Variants in STAT5B observed in about 807,000 individuals in gnomAD.
The protein encoded by STAT5B is signal transducer and activator of transcription 5B.
Under a neutral mutation model 107.8 loss-of-function variants are expected in STAT5B, and 21 were observed. That is an observed-to-expected ratio of 0.19 (90% CI 0.14 to 0.28). The LOEUF (loss-of-function observed/expected upper bound fraction) is 0.28, where lower values mean the gene tolerates loss of function less well. Among genes scored for constraint, STAT5B ranks in the 10% least tolerant of loss-of-function variants. The pLI, the probability that STAT5B is intolerant of heterozygous loss-of-function variation, is 1.00. For synonymous variants in STAT5B, 325 were observed against 401.7 expected (o/e 0.81, Z 2.28); for missense variants, 565 against 1,008.2 (o/e 0.56, Z 5.95).
intron 1 of STAT5B, among the ~76,000 whole-genome samples, chr17:42,248,922 C>T (rs1413429904): frequency 1.3e-5 from 2 of 152,144 alleles, no homozygotes; most frequent in East Asian, 3.8e-4. Context: ...AATGTGAGAC[C>T]CAGAATCTAC....
At chr17:42,285,373 T>C in the STAT5B span, among the ~76,000 whole-genome samples, 1 of 152,334 alleles carries the variant, frequency 6.6e-6, no homozygotes, top group Non-Finnish European at 1.5e-5. Context: ...ATTACAGGCG[T>C]GAGCCACTGC....
Position 42,210,032 on chromosome 17 carries a change from G to T in STAT5B, c.1906+139C>A, listed in dbSNP as rs2144218315. 3.0e-6 allele frequency: 4 copies of T among 1,311,740 alleles called. No individual in the cohort carries two copies. In the East Asian group the frequency reaches 7.4e-5, roughly 24 times the overall value. 81.3% of individuals were successfully genotyped at this position (1,311,740 alleles called of 1,614,324 possible). On this transcript the variant is annotated intron_variant, in intron 15 of 18. Transcript: ENST00000293328. ...TTTTTCATAGGCTGCCTTATTATGA[G>T]TATGTCATGGCTATACATTTATGTT... is the stretch of plus-strand genomic sequence containing the variant.
intron 1 of STAT5B, among the ~76,000 whole-genome samples, chr17:42,259,427 G>A (rs991502542): frequency 1.2e-4 from 19 of 152,196 alleles, no homozygotes; most frequent in African/African-American, 4.3e-4. Context: ...ATCTGTGGGT[G>A]TCTGGGTGTG....
intron 11 of STAT5B, 70 bp downstream of exon 11, chr17:42,217,089 AT>A (rs1405501850): frequency 8.4e-6 from 13 of 1,554,576 alleles, no homozygotes; most frequent in African/African-American, 5.5e-5. Context: ...TAAAAAAAAA[AT>A]ATTTTGTAAC....
chr17:42,239,227 A>G (rs971312133), intron 1 of STAT5B, among the ~76,000 whole-genome samples: 2 of 146,542 alleles, frequency 1.4e-5, no homozygotes, highest in African/African-American at 5.2e-5. Flanking sequence ...CAAGCTGGCG[A>G]CAGAGCAAGA....
chr17:42,207,744 G>A lies in STAT5B; in HGVS notation c.1907-16C>T, dbSNP rs1218138252. On this transcript the variant is annotated splice_polypyrimidine_tract_variant and intron_variant, in intron 15 of 18. Coordinates refer to ENST00000293328, the MANE Select transcript of STAT5B (RefSeq NM_012448.4). Reference sequence around the variant, plus strand: ...ATTCTTTCCTCTAGATCAATAAACAGAACAATCACATTCTAAACATGATTT... The same window carrying A: ...ATTCTTTCCTCTAGATCAATAAACAAAACAATCACATTCTAAACATGATTT... 6.2e-7 allele frequency: 1 copy of A among 1,613,700 alleles called. No homozygotes were observed. The highest frequency in any genetic ancestry group is 1.7e-5 in the Admixed American group (1 of 59,984).
At chr17:42,212,982 T>C (rs941737696) in intron 12 of STAT5B, among the ~76,000 whole-genome samples, 1 of 152,216 alleles carries the variant, frequency 6.6e-6, no homozygotes, top group Non-Finnish European at 1.5e-5. Context: ...TTTCCTTTTC[T>C]TCACAAATGA....
rs200768616 is a variant in STAT5B at position 42,258,085 on chromosome 17, G to A, written c.-11+18163C>T. Reference sequence around the variant, plus strand: ...AAATATTTCAAAATAGGCTGTCACAGTATATTTGGAAGAAAGGAATTTGTT... The same window carrying A: ...AAATATTTCAAAATAGGCTGTCACAATATATTTGGAAGAAAGGAATTTGTT... On this transcript the variant is annotated intron_variant, in intron 1 of 18. Transcript: ENST00000293328. Among the ~76,000 whole-genome samples the A allele has an allele frequency of 1.4e-4, 21 of 152,242 alleles. No individual in the cohort carries two copies. The East Asian group carries it at 3.9e-3, about 28-fold the overall frequency.
At chr17:42,250,720 C>T (rs927481841) in intron 1 of STAT5B, among the ~76,000 whole-genome samples, 1 of 151,900 alleles carries the variant, frequency 6.6e-6, no homozygotes, top group Non-Finnish European at 1.5e-5. Context: ...GTCAGGAGAT[C>T]GAGACCATCC....
upstream of STAT5B, among the ~76,000 whole-genome samples, chr17:42,277,469 A>T (rs1270510511): frequency 4.6e-5 from 7 of 151,850 alleles, no homozygotes; most frequent in Admixed American, 2.6e-4. Flanking sequence ...CCTTCTCTTC[A>T]CCTCCAGAAT....
chr17:42,219,632 C>T, intron 6 of STAT5B, 80 bp downstream of exon 6: 2 of 1,485,950 alleles, frequency 1.3e-6, no homozygotes, highest in South Asian at 1.2e-5. Flanking sequence ...TGCTCTCATG[C>T]TGGTCCCAGC....
In STAT5B at chr17:42,201,132, C is replaced by A. The variant is rs533239913; in HGVS notation, c.*606G>T. On this transcript the variant is annotated 3_prime_UTR_variant, in exon 19 of 19. Coordinates refer to ENST00000293328, the MANE Select transcript of STAT5B (RefSeq NM_012448.4). ...ATCCGAAAGCTTGTGACTTCCCTTG[C>A]CCCAACAATCTTTGTAGGTTGCCCC... The A allele has an allele frequency of 1.5e-5, 6 of 406,566 alleles. No homozygotes were observed. Among genetic ancestry groups the A allele is most frequent in the East Asian group, 3.5e-5 (1 of 28,530 alleles). The allele number at this position is 406,566 out of a possible 1,614,324, so 25.2% of individuals were successfully genotyped here.
upstream of STAT5B, among the ~76,000 whole-genome samples, chr17:42,281,158 CA>C (rs1028441511): frequency 6.7e-6 from 1 of 149,868 alleles, no homozygotes; most frequent in Non-Finnish European, 1.5e-5. Flanking sequence ...AAAACAAAAA[CA>C]AAAAAAAACT....
At chr17:42,216,909 C>G (rs567158130) in intron 11 of STAT5B, among the ~76,000 whole-genome samples, 18 of 152,070 alleles carry the variant, frequency 1.2e-4, no homozygotes, top group African/African-American at 4.3e-4. Flanking sequence ...GAACTCTTGA[C>G]CTCAAGTGAC....
intron 1 of STAT5B, among the ~76,000 whole-genome samples, chr17:42,236,854 T>C (rs1355113623): frequency 6.6e-6 from 1 of 152,170 alleles, no homozygotes; most frequent in African/African-American, 2.4e-5. Flanking sequence ...TAACTGGCAT[T>C]CATCTAGCCA....
chr17:42,219,968 G>A lies in STAT5B; in HGVS notation c.551-126C>T, dbSNP rs1240857091. On this transcript the variant is annotated intron_variant, in intron 5 of 18. Transcript: ENST00000293328. ...TCAGATACTGCATTAAGGGCAAGTC[G>A]GGGTTCCTGACAGCCAGGGGGGCCA... The A allele has an allele frequency of 8.7e-6, 13 of 1,486,170 alleles. No individual in the cohort carries two copies. In the Admixed American group the frequency reaches 1.1e-4, roughly 12 times the overall value. The allele number at this position is 1,486,170 out of a possible 1,614,324, so 92.1% of individuals were successfully genotyped here. A position where few individuals can be genotyped will look rare whatever the true frequency, so the allele number is the denominator to read the frequency against.
At chr17:42,257,350 A>C (rs1598333668) in intron 1 of STAT5B, among the ~76,000 whole-genome samples, 1 of 149,598 alleles carries the variant, frequency 6.7e-6, no homozygotes, top group African/African-American at 2.5e-5. Context: ...TCTGGGAAGA[A>C]GTTTTAAAAG....
intron 16 of STAT5B, chr17:42,203,017 ACTGCAGC>A: frequency 1.6e-6 from 1 of 638,522 alleles, no homozygotes; most frequent in Non-Finnish European, 2.8e-6. Flanking sequence ...ATCTCGGCTC[ACTGCAGC>A]CTCCGCCTCC....
chr17:42,207,489 A>ACACACACACACACACG, intron 16 of STAT5B, 69 bp downstream of exon 16: 1 of 22,972 alleles, frequency 4.4e-5, no homozygotes, highest in Non-Finnish European at 1.1e-4. Context: ...GCAGGTATGC[A>ACACACACACACACACG]CACACACACA....
Sources: gnomAD v4.1 joint callset for allele counts (sites outside exome capture counted in the v4.1 genomes callset) on GRCh38, gnomAD v4.1.1 for gene constraint, MANE v1.5 for transcripts, NCBI Gene and HGNC (gene_info 2026-07-23, HGNC 2026-07-21) for gene names.